GABRA4: variants seen among roughly 807,000 people sequenced by gnomAD.
The protein encoded by GABRA4 is gamma-aminobutyric acid type A receptor subunit alpha4.
A neutral mutation model predicts 49.7 loss-of-function variants in GABRA4; 12 were observed. That is an observed-to-expected ratio of 0.24 (90% confidence interval 0.15 to 0.39). The LOEUF (loss-of-function observed/expected upper bound fraction) is 0.39. Among genes scored for constraint, GABRA4 ranks in the 10% least tolerant of loss-of-function variants. The pLI is 1.00. For missense variants in GABRA4, 506 were observed against 686.0 expected (o/e 0.74, Z 2.93); for synonymous variants, 288 against 240.2 (o/e 1.20, Z -1.84).
intron 2 of GABRA4, among the ~76,000 whole-genome samples, chr4:46,988,438 C>A (rs1340961863): frequency 7.2e-5 from 11 of 152,098 alleles, no homozygotes; most frequent in Admixed American, 3.3e-4. Context: ...GAGAATGAAG[C>A]TTTATGTTGC....
At chr4:46,987,484 T>C (rs937156563) in intron 2 of GABRA4, among the ~76,000 whole-genome samples, 1 of 152,132 alleles carries the variant, frequency 6.6e-6, no homozygotes, top group African/African-American at 2.4e-5. Flanking sequence ...TTCCACAGTG[T>C]GAACTTATGA....
At chr4:46,931,881 G>A (rs990197530) in intron 8 of GABRA4, among the ~76,000 whole-genome samples, 4 of 152,146 alleles carry the variant, frequency 2.6e-5, no homozygotes, top group Non-Finnish European at 4.4e-5. Context: ...TGAGTGTTCC[G>A]TTAAGAGAAA....
At chr4:46,933,042 C>G (rs1021691189) in intron 8 of GABRA4, among the ~76,000 whole-genome samples, 3 of 152,016 alleles carry the variant, frequency 2.0e-5, no homozygotes, top group African/African-American at 7.2e-5. Flanking sequence ...AAGAATCAGT[C>G]TAAGGTGGTT....
chr4:46,963,831 C>T (rs993200899), intron 8 of GABRA4, among the ~76,000 whole-genome samples: 4 of 151,652 alleles, frequency 2.6e-5, no homozygotes, highest in East Asian at 2.0e-4. Flanking sequence ...ATTAGTACAA[C>T]CACTATGGAG....
At chr4:46,937,639 T>C (rs1721646933) in intron 8 of GABRA4, among the ~76,000 whole-genome samples, 1 of 152,188 alleles carries the variant, frequency 6.6e-6, no homozygotes, top group Non-Finnish European at 1.5e-5. Flanking sequence ...AATTTCTTTT[T>C]AATATTTTTA....
chr4:46,984,041 A>G (rs1723449532), intron 2 of GABRA4, among the ~76,000 whole-genome samples: 6 of 152,040 alleles, frequency 3.9e-5, no homozygotes, highest in Admixed American at 3.9e-4. Context: ...TGAATCAGAT[A>G]ATTTCCCAGT....
At chr4:46,936,327 G>A (rs1304228292) in intron 8 of GABRA4, among the ~76,000 whole-genome samples, 1 of 152,036 alleles carries the variant, frequency 6.6e-6, no homozygotes, top group Non-Finnish European at 1.5e-5. Flanking sequence ...TTGGCTCACC[G>A]CAACCTCTGC....
At chr4:46,956,131 C>G (rs570465514) in intron 8 of GABRA4, among the ~76,000 whole-genome samples, 2 of 152,052 alleles carry the variant, frequency 1.3e-5, no homozygotes, top group African/African-American at 2.4e-5. Flanking sequence ...AACAATCACT[C>G]ATTGCCTAAA....
intron 8 of GABRA4, among the ~76,000 whole-genome samples, chr4:46,964,454 A>G (rs1230637235): frequency 6.6e-6 from 1 of 151,838 alleles, no homozygotes; most frequent in Non-Finnish European, 1.5e-5. Context: ...ATACTTGAAG[A>G]AATGGCTACC....
Position 46,923,610 on chromosome 4 carries a change from T to G in GABRA4, c.*4615A>C, listed in dbSNP as rs1352991981. ...AAGAAAAAAGGAATAGAAGGCAAAG[T>G]TTAAGACAGGAAAGAAAAAATAAGA... is the stretch of plus-strand genomic sequence containing the variant. On this transcript the variant is annotated 3_prime_UTR_variant, in exon 9 of 9. Transcript: ENST00000264318. The G allele has an allele frequency of 6.6e-6, 1 of 152,032 alleles. No individual in the cohort carries two copies. Among genetic ancestry groups the G allele is most frequent in the Non-Finnish European group, 1.5e-5 (1 of 67,996 alleles). 9.4% of individuals were successfully genotyped at this position (152,032 alleles called of 1,614,324 possible).
At chr4:46,961,858 G>A (rs1406299146) in intron 8 of GABRA4, among the ~76,000 whole-genome samples, 1 of 151,814 alleles carries the variant, frequency 6.6e-6, no homozygotes, top group Non-Finnish European at 1.5e-5. Flanking sequence ...GGAAGAAGAG[G>A]AAAGAGAGTG....
chr4:46,959,448 C>T (rs1237329510), intron 8 of GABRA4, among the ~76,000 whole-genome samples: 1 of 151,812 alleles, frequency 6.6e-6, no homozygotes, highest in Non-Finnish European at 1.5e-5. Flanking sequence ...TGGTATAATC[C>T]TATGTCCTTC....
chr4:46,941,457 T>C (rs949382842), intron 8 of GABRA4, among the ~76,000 whole-genome samples: 1 of 152,066 alleles, frequency 6.6e-6, no homozygotes, highest in Non-Finnish European at 1.5e-5. Flanking sequence ...TGTGGTAATT[T>C]CCATAAAGTG....
intron 8 of GABRA4, among the ~76,000 whole-genome samples, chr4:46,958,271 A>G (rs1465793145): frequency 6.6e-6 from 1 of 151,928 alleles, no homozygotes; most frequent in Non-Finnish European, 1.5e-5. Flanking sequence ...CTTGAAATTG[A>G]GTAATACACA....
At chr4:46,935,542 T>C (rs76991870) in intron 8 of GABRA4, among the ~76,000 whole-genome samples, 1,664 of 152,196 alleles carry the variant, frequency 0.011, 27 homozygotes, top group African/African-American at 0.038. Flanking sequence ...TATGAAAATA[T>C]GGCCATCATG....
intron 8 of GABRA4, among the ~76,000 whole-genome samples, chr4:46,942,282 G>GA (rs1408761749): frequency 6.6e-6 from 1 of 152,062 alleles, no homozygotes; most frequent in African/African-American, 2.4e-5. Context: ...CCAGTCTGGG[G>GA]AAAAATAGTC....
rs978998075 is a variant in GABRA4, at chr4:46,922,435, G to A, written c.*5790C>T. On this transcript the variant is annotated 3_prime_UTR_variant, in exon 9 of 9. Transcript: ENST00000264318. ...AGCTGGCTCTGCTCAGTGATTAATA[G>A]AAAGAAACCAGCCCCAAAAATAGGC... The A allele has an allele frequency of 6.6e-6, 1 of 151,976 alleles. No homozygotes were observed. The highest frequency in any genetic ancestry group is 1.5e-5 in the Non-Finnish European group (1 of 67,980). The allele number at this position is 151,976 out of a possible 1,614,324, so 9.4% of individuals were successfully genotyped here.
chr4:46,977,019 G>A, intron 5 of GABRA4, 42 bp downstream of exon 5: 5 of 1,068,430 alleles, frequency 4.7e-6, no homozygotes, highest in Non-Finnish European at 7.2e-6. Context: ...TAGCTTGCAT[G>A]AGGTAATCAT....
intron 2 of GABRA4, among the ~76,000 whole-genome samples, chr4:46,992,262 A>G (rs1424236552): frequency 6.6e-6 from 1 of 152,222 alleles, no homozygotes; most frequent in Admixed American, 6.5e-5. Context: ...TTAGGAGGAA[A>G]GCAAATGACA....
Sources: allele counts gnomAD v4.1 joint callset (sites outside exome capture counted in the v4.1 genomes callset), GRCh38; gene constraint gnomAD v4.1.1; transcripts MANE v1.5; gene names NCBI Gene and HGNC (gene_info 2026-07-23, HGNC 2026-07-21).